Variants in ARB2A observed in about 807,000 individuals in gnomAD.
ARB2A encodes the protein ARB2 cotranscriptional regulator A.
chr5:93,943,697 G>A, the ARB2A span, among the ~76,000 whole-genome samples: 1 of 152,106 alleles, frequency 6.6e-6, no homozygotes, highest in Non-Finnish European at 1.5e-5. Flanking sequence ...TTGAAGACTG[G>A]AGTTGAGGGC....
the ARB2A span, among the ~76,000 whole-genome samples, chr5:94,081,808 G>A: frequency 6.6e-6 from 1 of 151,948 alleles, no homozygotes; most frequent in Admixed American, 6.6e-5. Flanking sequence ...TGTATTAAAT[G>A]GTTCTCTCTC....
chr5:93,716,545 T>C, the ARB2A span, among the ~76,000 whole-genome samples: 2 of 152,060 alleles, frequency 1.3e-5, no homozygotes, highest in African/African-American at 4.8e-5. Context: ...TTTTAATTGA[T>C]TAAGTCATAA....
At chr5:93,865,628 T>C in the ARB2A span, 1 of 985,300 alleles carries the variant, frequency 1.0e-6, no homozygotes, top group African/African-American at 1.7e-5. Context: ...CTTTATTTAA[T>C]CTGGCCATTT....
At chr5:93,672,517 C>T in the ARB2A span, among the ~76,000 whole-genome samples, 1 of 151,928 alleles carries the variant, frequency 6.6e-6, no homozygotes, top group African/African-American at 2.4e-5. Context: ...ACCATGTTGG[C>T]CAGGATGGTC....
the ARB2A span, chr5:93,881,459 A>G: frequency 2.5e-6 from 4 of 1,580,520 alleles, no homozygotes; most frequent in South Asian, 4.5e-5. Context: ...GAAAGTAGTG[A>G]TCTCACTCAC....
chr5:93,911,015 G>A, the ARB2A span: 5 of 151,404 alleles, frequency 3.3e-5, no homozygotes, highest in Admixed American at 6.6e-5. Flanking sequence ...TACTGACAGC[G>A]TTCTCTAGCT....
At chr5:94,069,667 C>T in the ARB2A span, among the ~76,000 whole-genome samples, 2 of 151,986 alleles carry the variant, frequency 1.3e-5, no homozygotes, top group African/African-American at 4.8e-5. Flanking sequence ...ATACAAATGG[C>T]CAATAGGTAT....
chr5:94,053,276 G>A, the ARB2A span: 49 of 999,566 alleles, frequency 4.9e-5, no homozygotes, highest in African/African-American at 3.7e-4. Context: ...TTCATAGTTT[G>A]TAACAAAGAT....
the ARB2A span, among the ~76,000 whole-genome samples, chr5:93,692,284 C>A: frequency 6.6e-6 from 1 of 152,280 alleles, no homozygotes; most frequent in African/African-American, 2.4e-5. Flanking sequence ...GGAGACCCAT[C>A]TCACGTGCAA....
chr5:93,830,486 G>C, the ARB2A span, among the ~76,000 whole-genome samples: 1 of 151,684 alleles, frequency 6.6e-6, no homozygotes, highest in Non-Finnish European at 1.5e-5. Flanking sequence ...AGAAGCAGTA[G>C]TGTGTGAGGA....
At chr5:93,777,761 T>G in the ARB2A span, among the ~76,000 whole-genome samples, 1 of 152,214 alleles carries the variant, frequency 6.6e-6, no homozygotes. Flanking sequence ...TCTTATTGTA[T>G]TTCCTTAATT....
chr5:93,706,492 C>T, the ARB2A span, among the ~76,000 whole-genome samples: 1 of 152,082 alleles, frequency 6.6e-6, no homozygotes, highest in African/African-American at 2.4e-5. Flanking sequence ...TACAACACTG[C>T]GCATATACTG....
the ARB2A span, among the ~76,000 whole-genome samples, chr5:93,830,314 T>G: frequency 8.1e-4 from 43 of 53,130 alleles, no homozygotes; most frequent in African/African-American, 3.9e-3. Flanking sequence ...TGTGTGTGTA[T>G]ATATATATAT....
At chr5:93,941,772 T>G in the ARB2A span, among the ~76,000 whole-genome samples, 2 of 152,170 alleles carry the variant, frequency 1.3e-5, no homozygotes, top group Admixed American at 1.3e-4. Context: ...TGACAATTAT[T>G]TGAAACCAGG....
At chr5:94,108,829 G>T in the ARB2A span, among the ~76,000 whole-genome samples, 1 of 152,142 alleles carries the variant, frequency 6.6e-6, no homozygotes, top group Non-Finnish European at 1.5e-5. Context: ...GGTGGCTGCT[G>T]TGGAAAAGAG....
the ARB2A span, among the ~76,000 whole-genome samples, chr5:93,755,723 G>A: frequency 5.4e-4 from 82 of 152,338 alleles, no homozygotes; most frequent in African/African-American, 1.9e-3. Context: ...GCAGAAACGC[G>A]CTGGGAGCTT....
the ARB2A span, among the ~76,000 whole-genome samples, chr5:93,756,908 G>T: frequency 1.8e-4 from 28 of 152,266 alleles, no homozygotes; most frequent in South Asian, 5.6e-3. Flanking sequence ...AATTCAGGAG[G>T]TTAGTTATTA....
At chr5:93,832,859 C>T in the ARB2A span, among the ~76,000 whole-genome samples, 2 of 152,160 alleles carry the variant, frequency 1.3e-5, no homozygotes, top group African/African-American at 4.8e-5. Context: ...GGAAACTCAA[C>T]CTAACACACC....
At chr5:93,714,622 GTTTC>G in the ARB2A span, among the ~76,000 whole-genome samples, 1 of 152,160 alleles carries the variant, frequency 6.6e-6, no homozygotes, top group African/African-American at 2.4e-5. Context: ...CAGGGTGATT[GTTTC>G]TAATGTGTGT....
Sources: gnomAD v4.1 joint callset for allele counts (sites outside exome capture counted in the v4.1 genomes callset) on GRCh38, gnomAD v4.1.1 for gene constraint, MANE v1.5 for transcripts, NCBI Gene and HGNC (gene_info 2026-07-23, HGNC 2026-07-21) for gene names.